CASK: variants seen among roughly 807,000 people sequenced by gnomAD.
CASK encodes the protein peripheral plasma membrane protein CASK.
Under a neutral mutation model 82.9 loss-of-function variants are expected in CASK, and 4 were observed. That is an observed-to-expected ratio of 0.05 (90% confidence interval 0.02 to 0.11). CASK has a LOEUF of 0.11. CASK is among the 10% of genes least tolerant of loss of function. The probability of loss-of-function intolerance (pLI) is 1.00; values close to 1 mark genes in which losing one functional copy is unlikely to be tolerated. For synonymous variants in CASK, 259 were observed against 253.5 expected, an observed-to-expected ratio of 1.02 and a Z score of -0.20; for missense variants, 358 against 720.9, an observed-to-expected ratio of 0.50 and a Z score of 5.76.
intron 16 of CASK, among the ~76,000 whole-genome samples, chrX:41,568,010 G>A (rs1396131258): frequency 1.0e-5 from 1 of 96,025 alleles, no homozygotes; most frequent in Non-Finnish European, 2.0e-5. Context: ...AACACCGTAT[G>A]TTCTCACTCA....
chrX:41,850,178 CA>C (rs921251607), intron 2 of CASK, among the ~76,000 whole-genome samples: 4 of 110,992 alleles, frequency 3.6e-5, no homozygotes, highest in South Asian at 3.8e-4. Flanking sequence ...GACCCCATCT[CA>C]AAAAAAATTA....
chrX:41,757,523 C>T (rs964037858), intron 3 of CASK, among the ~76,000 whole-genome samples: 3 of 112,121 alleles, frequency 2.7e-5, no homozygotes, highest in African/African-American at 9.7e-5. Flanking sequence ...TTTGTGTGTA[C>T]GTATGTATTT....
At chrX:41,543,734 G>C (rs148592860) in intron 21 of CASK, among the ~76,000 whole-genome samples, 277 of 111,668 alleles carry the variant, frequency 2.5e-3, no homozygotes, top group African/African-American at 8.4e-3. Flanking sequence ...TCACATATAA[G>C]AGTCCAAAAT....
chrX:41,834,061 C>T (rs1317354531), intron 2 of CASK, among the ~76,000 whole-genome samples: 1 of 112,186 alleles, frequency 8.9e-6, no homozygotes. Context: ...CTTAATAATC[C>T]ATCAACTTAC....
chrX:41,777,846 T>C (rs2069394684), intron 3 of CASK, among the ~76,000 whole-genome samples: 1 of 112,164 alleles, frequency 8.9e-6, no homozygotes, highest in African/African-American at 3.2e-5. Context: ...TATACTCTTT[T>C]ACCCAGTTAT....
intron 12 of CASK, among the ~76,000 whole-genome samples, chrX:41,596,797 T>C (rs374435943): frequency 8.9e-6 from 1 of 112,232 alleles, no homozygotes; most frequent in East Asian, 2.8e-4. Context: ...TGCAAATCTC[T>C]GGTACTGAGT....
chrX:41,897,381 T>C (rs766455568), intron 1 of CASK, among the ~76,000 whole-genome samples: 37 of 112,148 alleles, frequency 3.3e-4, no homozygotes, highest in Non-Finnish European at 5.3e-4. Flanking sequence ...TTTTGTACTT[T>C]ATTCTGTTAA....
At chrX:41,563,040 CAAAAAA>C (rs141364032) in intron 16 of CASK, among the ~76,000 whole-genome samples, 25 of 22,200 alleles carry the variant, frequency 1.1e-3, no homozygotes, top group South Asian at 4.7e-3. Context: ...GACTCCATCT[CAAAAAA>C]AAAAAAAAAA....
At chrX:41,891,793 T>C (rs2072174959) in intron 1 of CASK, among the ~76,000 whole-genome samples, 1 of 112,371 alleles carries the variant, frequency 8.9e-6, no homozygotes, top group South Asian at 3.7e-4. Flanking sequence ...AGAAAAACAT[T>C]AGGCAACTAA....
At chrX:41,561,141 C>T (rs1347919664) in intron 17 of CASK, among the ~76,000 whole-genome samples, 1 of 111,203 alleles carries the variant, frequency 9.0e-6, no homozygotes, top group Non-Finnish European at 1.9e-5. Flanking sequence ...CCGTGGCTTT[C>T]CTCCCTTCTA....
intron 12 of CASK, among the ~76,000 whole-genome samples, chrX:41,606,971 G>A (rs2065973087): frequency 5.4e-5 from 6 of 111,981 alleles, no homozygotes; most frequent in Admixed American, 4.7e-4. Flanking sequence ...GGGATTACAG[G>A]TGTGAGCCAC....
At chrX:41,711,103 A>G (rs927547579) in intron 5 of CASK, among the ~76,000 whole-genome samples, 7 of 111,713 alleles carry the variant, frequency 6.3e-5, no homozygotes, top group African/African-American at 2.3e-4. Flanking sequence ...ATAGCTAGTC[A>G]GTCAGAAGCA....
intron 3 of CASK, among the ~76,000 whole-genome samples, chrX:41,770,257 C>CATCTATCT (rs751579544): frequency 0.021 from 1,833 of 86,438 alleles, 30 homozygotes; most frequent in East Asian, 0.057. Context: ...ATCTATCTAT[C>CATCTATCT]ATCTATCTAT....
At chrX:41,811,475 C>A in intron 2 of CASK, among the ~76,000 whole-genome samples, 2 of 112,639 alleles carry the variant, frequency 1.8e-5, no homozygotes, top group Non-Finnish European at 3.8e-5. Context: ...GAACAACCTG[C>A]TCCTGAATGA....
intron 1 of CASK, among the ~76,000 whole-genome samples, chrX:41,890,402 A>G (rs1481637794): frequency 9.1e-6 from 1 of 110,312 alleles, no homozygotes; most frequent in Non-Finnish European, 1.9e-5. Context: ...TGAAGAATGC[A>G]CTGGCTATGC....
Position 41,727,876 on chromosome X carries a change from T to C in CASK, c.429+11508A>G, listed in dbSNP as rs764018850. On this transcript the variant is annotated intron_variant, in intron 5 of 26. Transcript: ENST00000378163. ...ACACCAAAGAGATAACTGTCAGCAA[T>C]TGAATTATTTAATAGAAACAAAAAA... is the stretch of plus-strand genomic sequence containing the variant. The C allele has an allele frequency of 8.3e-6, 10 of 1,202,464 alleles. No homozygotes were observed. The Admixed American group carries it at 2.0e-4, about 24-fold the overall frequency.
intron 2 of CASK, among the ~76,000 whole-genome samples, chrX:41,827,518 C>T (rs1005318229): frequency 2.7e-5 from 3 of 111,844 alleles, no homozygotes; most frequent in South Asian, 3.7e-4. Context: ...ATCCCATTCA[C>T]GAGGGCAGAG....
chrX:41,668,752 T>G (rs1189081162), intron 6 of CASK, among the ~76,000 whole-genome samples: 1 of 111,241 alleles, frequency 9.0e-6, no homozygotes, highest in Non-Finnish European at 1.9e-5. Flanking sequence ...TCTTTCTTTT[T>G]TTTTTTGAGA....
chrX:41,809,085 G>A (rs767030971), intron 2 of CASK, among the ~76,000 whole-genome samples: 12 of 112,436 alleles, frequency 1.1e-4, no homozygotes, highest in Admixed American at 5.6e-4. Flanking sequence ...TAAACAAAGC[G>A]GCCAGGAAGC....
Sources: gnomAD v4.1 joint callset for allele counts (sites outside exome capture counted in the v4.1 genomes callset) on GRCh38, gnomAD v4.1.1 for gene constraint, MANE v1.5 for transcripts, NCBI Gene and HGNC (gene_info 2026-07-23, HGNC 2026-07-21) for gene names.